Variants in DIS3L2 observed in about 807,000 individuals in gnomAD.
The protein encoded by DIS3L2 is DIS3 like 3'-5' exoribonuclease 2, also known as DIS3-like exonuclease 2.
A neutral mutation model predicts 97.5 loss-of-function variants in DIS3L2; 34 were observed. That is an observed-to-expected ratio of 0.35 (90% CI 0.27 to 0.46). The LOEUF (loss-of-function observed/expected upper bound fraction) is 0.46. DIS3L2 is among the 20% of genes least tolerant of loss of function. DIS3L2 has a pLI of 1.00. For synonymous variants in DIS3L2, 435 were observed against 445.2 expected, an observed-to-expected ratio of 0.98 and a Z score of 0.29; for missense variants, 1,038 against 1,146.0, an observed-to-expected ratio of 0.91 and a Z score of 1.36.
At chr2:232,079,599 C>CAAAAAAAAAAAAAAAA (rs760870721) in intron 5 of DIS3L2, among the ~76,000 whole-genome samples, 2 of 29,614 alleles carry the variant, frequency 6.8e-5, no homozygotes, top group Non-Finnish European at 5.7e-5. Flanking sequence ...GACTCTATCT[C>CAAAAAAAAAAAAAAAA]AAAAAAAAAA....
At chr2:232,049,113 A>G (rs184370660) in intron 5 of DIS3L2, among the ~76,000 whole-genome samples, 4 of 152,162 alleles carry the variant, frequency 2.6e-5, no homozygotes, top group Admixed American at 2.6e-4. Context: ...TGACTACATA[A>G]TATTTCCTTG....
Position 232,130,756 on chromosome 2 carries a change from G to C in DIS3L2, c.702+37G>C, listed in dbSNP as rs1459942089. The C allele has an allele frequency of 5.0e-6, 8 of 1,609,372 alleles. No individual in the cohort carries two copies. In the South Asian group the frequency reaches 8.9e-5, roughly 18 times the overall value. On this transcript the variant is annotated intron_variant, in intron 7 of 20. Coordinates refer to ENST00000325385, the MANE Select transcript of DIS3L2 (RefSeq NM_152383.5). ...CAGATTTTCTCCACGTGTCCAAATG[G>C]CTTTCACCTGAGCTACTTGTTGAAG... is the stretch of plus-strand genomic sequence containing the variant.
At chr2:232,190,481 A>G (rs938186302) in intron 9 of DIS3L2, among the ~76,000 whole-genome samples, 1 of 152,216 alleles carries the variant, frequency 6.6e-6, no homozygotes, top group African/African-American at 2.4e-5. Flanking sequence ...TGCTTTAAAG[A>G]ACATGAACGA....
At position 232,015,511 on chromosome 2, in the gene DIS3L2, T is replaced by G; in HGVS notation, c.53-3T>G. Reference sequence around the variant, plus strand: ...AGAGTTGATTGCTGCCTCCTGTTTCTAGGTGTGTCTGCTGTGGCTGGTCCA... The same window carrying G: ...AGAGTTGATTGCTGCCTCCTGTTTCGAGGTGTGTCTGCTGTGGCTGGTCCA... On this transcript the variant is annotated splice_polypyrimidine_tract_variant and splice_region_variant and intron_variant, in intron 2 of 20. Coordinates refer to ENST00000325385, the MANE Select transcript of DIS3L2 (RefSeq NM_152383.5). 1 of 1,613,506 alleles carries G rather than the reference T, an allele frequency of 6.2e-7. No homozygotes were observed. The highest frequency in any genetic ancestry group is 8.5e-7 in the Non-Finnish European group (1 of 1,179,690).
rs1553606103 is a variant in DIS3L2, at chr2:232,087,496, C to T, written c.376C>T (p.Pro126Ser). Residue 126 changes from proline (P) to serine (S), a missense_variant, in exon 6 of 21, where the codon CCA (proline) becomes TCA (serine). Transcript: ENST00000325385. ...TTTCTGTTTTCTTTAGGTAGTTAAA[C>T]CAGAGAGCAATGACAAAGAAACAGA... ...LPEEHWKVVK[P>S]ESNDKETEAA... 1 of 1,610,434 alleles carries T rather than the reference C, an allele frequency of 6.2e-7. No homozygotes were observed. Among genetic ancestry groups the T allele is most frequent in the Non-Finnish European group, 8.5e-7 (1 of 1,177,906 alleles).
chr2:232,198,505 A>C (rs1278416019), intron 9 of DIS3L2: 1 of 152,206 alleles, frequency 6.6e-6, no homozygotes, highest in Non-Finnish European at 1.5e-5. Flanking sequence ...CTGCAATCTG[A>C]TATTTTAAAT....
intron 8 of DIS3L2, among the ~76,000 whole-genome samples, chr2:232,140,279 A>G (rs1196313866): frequency 6.6e-6 from 1 of 152,080 alleles, no homozygotes; most frequent in Non-Finnish European, 1.5e-5. Flanking sequence ...TTCTATTAGT[A>G]CTATTATTAT....
chr2:232,074,444 G>A (rs1034211308), intron 5 of DIS3L2, among the ~76,000 whole-genome samples: 2 of 151,978 alleles, frequency 1.3e-5, no homozygotes, highest in Non-Finnish European at 2.9e-5. Flanking sequence ...TATTTACTGA[G>A]CACATTCTAT....
At chr2:232,273,138 G>A (rs72998135) in intron 13 of DIS3L2, among the ~76,000 whole-genome samples, 1,817 of 152,166 alleles carry the variant, frequency 0.012, 17 homozygotes, top group Non-Finnish European at 0.018. Context: ...GTTCACATTT[G>A]TTTTTCCTAG....
chr2:232,305,600 T>A (rs1165043070), intron 14 of DIS3L2, among the ~76,000 whole-genome samples: 2 of 152,250 alleles, frequency 1.3e-5, no homozygotes, highest in Non-Finnish European at 1.5e-5. Context: ...CTCTTATTTC[T>A]TGTGTCTATT....
chr2:232,058,474 T>C (rs1695608467), intron 5 of DIS3L2, among the ~76,000 whole-genome samples: 1 of 152,194 alleles, frequency 6.6e-6, no homozygotes, highest in Non-Finnish European at 1.5e-5. Context: ...TTAGAACTAG[T>C]AAGCTAATTT....
chr2:232,265,358 T>C (rs887009035), intron 13 of DIS3L2, among the ~76,000 whole-genome samples: 4 of 152,244 alleles, frequency 2.6e-5, no homozygotes, highest in Non-Finnish European at 4.4e-5. Context: ...CTTGTGATTC[T>C]AACTACTAAC....
At chr2:232,340,831 C>CA, downstream of DIS3L2, 2 of 471,546 alleles carry the variant, frequency 4.2e-6, no homozygotes, top group Non-Finnish European at 8.8e-6. Flanking sequence ...AGCTTCCAGT[C>CA]ACACTGCTCA....
At chr2:232,224,633 G>A (rs527355011) in intron 10 of DIS3L2, among the ~76,000 whole-genome samples, 18 of 152,012 alleles carry the variant, frequency 1.2e-4, no homozygotes, top group Non-Finnish European at 2.5e-4. Context: ...GAGGTTAGGA[G>A]TTCGACACCA....
intron 14 of DIS3L2, 28 bp from the exon 15 acceptor site, chr2:232,329,785 T>TGCCGGGGGGCC: frequency 4.5e-5 from 44 of 967,126 alleles, no homozygotes; most frequent in South Asian, 8.3e-5. Flanking sequence ...ACCCCAGCGG[T>TGCCGGGGGGCC]CCCTCCCATC....
intron 8 of DIS3L2, among the ~76,000 whole-genome samples, chr2:232,160,721 A>T (rs749249505): frequency 2.0e-5 from 3 of 152,000 alleles, no homozygotes; most frequent in Non-Finnish European, 4.4e-5. Context: ...TACAAAAAAT[A>T]CAAAAATTAG....
intron 1 of DIS3L2, among the ~76,000 whole-genome samples, chr2:232,004,047 CTTCTT>C (rs2106207427): frequency 6.6e-6 from 1 of 151,954 alleles, no homozygotes; most frequent in African/African-American, 2.4e-5. Context: ...GACCTGTTCT[CTTCTT>C]CTGGGAAATC....
chr2:232,336,133 C>T (rs1695936151), intron 20 of DIS3L2: 1 of 1,540,776 alleles, frequency 6.5e-7, no homozygotes, highest in Non-Finnish European at 8.8e-7. Context: ...GGGGTGCTGG[C>T]CTTCTAGGGT....
At chr2:231,964,069 TAC>T (rs1211035916) in intron 1 of DIS3L2, among the ~76,000 whole-genome samples, 27 of 152,206 alleles carry the variant, frequency 1.8e-4, no homozygotes, top group Non-Finnish European at 3.8e-4. Flanking sequence ...ATGAAATATA[TAC>T]AGTTTTATAT....
Sources: allele counts gnomAD v4.1 joint callset (sites outside exome capture counted in the v4.1 genomes callset), GRCh38; gene constraint gnomAD v4.1.1; transcripts MANE v1.5; gene names NCBI Gene and HGNC (gene_info 2026-07-23, HGNC 2026-07-21).